DPP6: variants seen among roughly 807,000 people sequenced by gnomAD.
The protein encoded by DPP6 is A-type potassium channel modulatory protein DPP6.
A neutral mutation model predicts 122.6 loss-of-function variants in DPP6; 69 were observed. That is an observed-to-expected ratio of 0.56 (90% CI 0.46 to 0.69). DPP6 has a LOEUF of 0.69. Ranked by LOEUF, DPP6 falls within the 30% of genes least tolerant of loss-of-function variation. The pLI, the probability that DPP6 is intolerant of heterozygous loss-of-function variation, is 0.00. For synonymous variants in DPP6, 418 were observed against 433.1 expected (o/e 0.97, Z 0.43); for missense variants, 928 against 1,116.9 (o/e 0.83, Z 2.41).
intron 1 of DPP6, among the ~76,000 whole-genome samples, chr7:153,939,991 G>T (rs756784387): frequency 5.3e-5 from 8 of 152,160 alleles, no homozygotes; most frequent in Non-Finnish European, 7.3e-5. Context: ...GTAAAGGGAG[G>T]TTAGTGTTTT....
At chr7:154,864,393 C>T (rs2150610953) in intron 17 of DPP6, among the ~76,000 whole-genome samples, 1 of 152,324 alleles carries the variant, frequency 6.6e-6, no homozygotes, top group South Asian at 2.1e-4. Context: ...GCCTCATGAG[C>T]AGGCCTGAGT....
At chr7:154,187,484 T>C (rs1394445013) in intron 1 of DPP6, among the ~76,000 whole-genome samples, 1 of 152,190 alleles carries the variant, frequency 6.6e-6, no homozygotes, top group East Asian at 1.9e-4. Context: ...ATTCCACAAA[T>C]GTTAGCCCAC....
At chr7:154,758,373 A>ATTT (rs10632379) in intron 8 of DPP6, among the ~76,000 whole-genome samples, 14,426 of 143,582 alleles carry the variant, frequency 0.1, 850 homozygotes, top group African/African-American at 0.13. Context: ...GGAAATACAG[A>ATTT]TTTTTTTTTT....
At chr7:154,490,068 G>A (rs1368761307) in intron 3 of DPP6, among the ~76,000 whole-genome samples, 1 of 152,132 alleles carries the variant, frequency 6.6e-6, no homozygotes, top group Non-Finnish European at 1.5e-5. Context: ...CAGATCAGGG[G>A]CCCTAGAATC....
chr7:154,607,055 T>C (rs919903383), intron 5 of DPP6, among the ~76,000 whole-genome samples: 1 of 121,368 alleles, frequency 8.2e-6, no homozygotes, highest in African/African-American at 2.6e-5. Flanking sequence ...TGCAAGTAGC[T>C]GCATGAAATG....
chr7:154,305,653 TA>T, intron 1 of DPP6: 1 of 1,471,568 alleles, frequency 6.8e-7, no homozygotes, highest in Non-Finnish European at 9.1e-7. Context: ...GGAGGATATG[TA>T]TTTGGGGAAG....
intron 1 of DPP6, among the ~76,000 whole-genome samples, chr7:154,229,678 A>G (rs1234874400): frequency 6.6e-6 from 1 of 152,186 alleles, no homozygotes; most frequent in Non-Finnish European, 1.5e-5. Flanking sequence ...CTTTTTATAA[A>G]GCATCAATTA....
At chr7:153,904,968 T>C (rs533204568) in intron 1 of DPP6, among the ~76,000 whole-genome samples, 1 of 152,328 alleles carries the variant, frequency 6.6e-6, no homozygotes, top group East Asian at 1.9e-4. Flanking sequence ...TTCAACAAAC[T>C]GTGGACAGCT....
intron 1 of DPP6, among the ~76,000 whole-genome samples, chr7:154,102,837 C>G (rs552018469): frequency 3.1e-4 from 47 of 152,310 alleles, no homozygotes; most frequent in South Asian, 1.2e-3. Context: ...ATCATGCACA[C>G]TATAGTTCTC....
At chr7:154,765,141 T>C (rs1795819209) in intron 8 of DPP6, among the ~76,000 whole-genome samples, 1 of 152,224 alleles carries the variant, frequency 6.6e-6, no homozygotes, top group Admixed American at 6.5e-5. Flanking sequence ...TTTATTTCAC[T>C]TAGCACAAGT....
chr7:154,693,105 T>C (rs921303205), intron 7 of DPP6, among the ~76,000 whole-genome samples: 37 of 22,990 alleles, frequency 1.6e-3, no homozygotes, highest in African/African-American at 2.4e-3. Flanking sequence ...TTTATTTTTC[T>C]ACTGACAATT....
the DPP6 span, among the ~76,000 whole-genome samples, chr7:153,754,495 A>G: frequency 6.6e-6 from 1 of 152,062 alleles, no homozygotes; most frequent in African/African-American, 2.4e-5. Flanking sequence ...TTGGTTTTCA[A>G]TATTTCAATA....
At chr7:154,525,378 A>G (rs570427782) in intron 3 of DPP6, among the ~76,000 whole-genome samples, 18 of 152,244 alleles carry the variant, frequency 1.2e-4, no homozygotes, top group African/African-American at 4.1e-4. Context: ...TCAGGCTCTC[A>G]AACTCCTGGG....
intron 21 of DPP6, among the ~76,000 whole-genome samples, chr7:154,881,292 C>T (rs1472045436): frequency 1.3e-5 from 2 of 152,170 alleles, no homozygotes; most frequent in Non-Finnish European, 2.9e-5. Flanking sequence ...CTGGATAACT[C>T]GATGTGGAGT....
chr7:154,000,518 C>T (rs553375686), intron 1 of DPP6, among the ~76,000 whole-genome samples: 2 of 152,142 alleles, frequency 1.3e-5, no homozygotes, highest in South Asian at 2.1e-4. Flanking sequence ...AGAGAATGCA[C>T]CCTGCGTATG....
At chr7:154,036,267 C>G (rs1799529423) in intron 1 of DPP6, among the ~76,000 whole-genome samples, 1 of 137,676 alleles carries the variant, frequency 7.3e-6, no homozygotes. Context: ...CCCACCACCA[C>G]GCCTGGCTAA....
At chr7:154,418,404 A>C (rs1460209366) in intron 1 of DPP6, among the ~76,000 whole-genome samples, 1 of 152,260 alleles carries the variant, frequency 6.6e-6, no homozygotes, top group African/African-American at 2.4e-5. Context: ...AACCTTGTTT[A>C]CAGTAGGTGC....
Position 154,755,548 on chromosome 7 carries a change from G to A in DPP6, c.884-13869G>A, listed in dbSNP as rs1283417279. ...GTCTACCTGGAGTGATTGCGTTGAG[G>A]ATTAAATGAGTTAACCCATCTACGC... is the stretch of plus-strand genomic sequence containing the variant. On this transcript the variant is annotated intron_variant, in intron 8 of 25. Transcript: ENST00000377770. The surrounding 1 kb of genome is among the most constrained non-coding windows in gnomAD (Gnocchi z 4.7). Among the ~76,000 whole-genome samples, 1 of 152,146 alleles carries A rather than the reference G, an allele frequency of 6.6e-6. No homozygotes were observed. Among genetic ancestry groups the A allele is most frequent in the East Asian group, 1.9e-4 (1 of 5,188 alleles).
At chr7:153,910,760 A>G (rs1800054613) in intron 1 of DPP6, among the ~76,000 whole-genome samples, 1 of 152,094 alleles carries the variant, frequency 6.6e-6, no homozygotes, top group Non-Finnish European at 1.5e-5. Context: ...CCTAATATTC[A>G]GGCTCTGAAG....
Sources: gnomAD v4.1 joint callset for allele counts (sites outside exome capture counted in the v4.1 genomes callset) on GRCh38, gnomAD v4.1.1 for gene constraint, Gnocchi (gnomAD v3.1) non-coding constraint, MANE v1.5 for transcripts, NCBI Gene and HGNC (gene_info 2026-07-23, HGNC 2026-07-21) for gene names.